Variants in RAI14 observed in about 807,000 individuals in gnomAD.
RAI14 encodes the protein retinoic acid induced 14, also known as ankycorbin.
RAI14 carries 45 observed loss-of-function variants against 115.4 expected under a neutral mutation model. The ratio of observed to expected loss-of-function variants is 0.39; its 90% CI spans 0.31 to 0.50. The LOEUF (loss-of-function observed/expected upper bound fraction) is 0.50. Ranked by LOEUF, RAI14 falls within the 20% of genes least tolerant of loss-of-function variation. The pLI, the probability that RAI14 is intolerant of heterozygous loss-of-function variation, is 0.85. For missense variants in RAI14, 939 were observed against 1,131.2 expected, an observed-to-expected ratio of 0.83 and a Z score of 2.44; for synonymous variants, 371 against 415.4, an observed-to-expected ratio of 0.89 and a Z score of 1.30.
intron 11 of RAI14, 84 bp downstream of exon 11, chr5:34,813,744 T>A: frequency 8.5e-7 from 1 of 1,174,792 alleles, no homozygotes; most frequent in Non-Finnish European, 1.2e-6. Context: ...CAAAAAGGAA[T>A]GTTTTAGAAC....
At chr5:34,702,850 G>A (rs1358135287) in intron 2 of RAI14, among the ~76,000 whole-genome samples, 1 of 152,148 alleles carries the variant, frequency 6.6e-6, no homozygotes, top group Non-Finnish European at 1.5e-5. Flanking sequence ...GGGATTACAG[G>A]CATGCGCCAC....
chr5:34,697,153 A>G (rs1259995171), intron 2 of RAI14, among the ~76,000 whole-genome samples: 1 of 137,516 alleles, frequency 7.3e-6, no homozygotes, highest in Non-Finnish European at 1.6e-5. Flanking sequence ...TAATAATAAA[A>G]AGGCCAAGTG....
At chr5:34,753,625 C>T (rs950513525) in intron 2 of RAI14, among the ~76,000 whole-genome samples, 2 of 151,844 alleles carry the variant, frequency 1.3e-5, no homozygotes, top group African/African-American at 4.8e-5. Context: ...ACTGAAAATA[C>T]AAAAATTGGG....
At chr5:34,722,065 C>T (rs1049353946) in intron 2 of RAI14, among the ~76,000 whole-genome samples, 1 of 151,894 alleles carries the variant, frequency 6.6e-6, no homozygotes, top group African/African-American at 2.4e-5. Flanking sequence ...TGGTGTCTCG[C>T]CCTGAAAGTG....
At chr5:34,792,847 G>T (rs78538527) in intron 3 of RAI14, among the ~76,000 whole-genome samples, 3,655 of 152,178 alleles carry the variant, frequency 0.024, 168 homozygotes, top group African/African-American at 0.083. Context: ...GCAGCTTTAG[G>T]TAAAATACAT....
Position 34,796,012 on chromosome 5 carries a change from G to A in RAI14, c.241G>A (p.Ala81Thr). 6.2e-7 allele frequency: 1 copy of A among 1,610,998 alleles called. No homozygotes were observed. ...VMITHGVDVTAQDTTGHSALH... is the reference protein window; with the variant it reads ...VMITHGVDVTTQDTTGHSALH... ...GATTACACATGGTGTGGATGTGACA[G>A]CCCAAGATACTACCGGTATGTGGTT... is the stretch of plus-strand genomic sequence containing the variant. Residue 81 changes from alanine to threonine, a missense_variant, in exon 4 of 18, where the codon GCC becomes ACC. Ala to Thr is a moderately conservative substitution (Grantham distance 58, BLOSUM62 0). Coordinates refer to ENST00000265109, the MANE Select transcript of RAI14 (RefSeq NM_015577.3).
chr5:34,752,731 G>GTATATATA (rs1561312100), intron 2 of RAI14, among the ~76,000 whole-genome samples: 3 of 99,038 alleles, frequency 3.0e-5, no homozygotes, highest in African/African-American at 1.3e-4. Context: ...GTGTGTGTGT[G>GTATATATA]TGTGTGTGTG....
rs1472512925 is a variant in RAI14, at chr5:34,832,070, C to A, written c.*1305C>A. 1 of 152,220 alleles carries A rather than the reference C, an allele frequency of 6.6e-6. No homozygotes were observed. 9.4% of individuals were successfully genotyped at this position (152,220 alleles called of 1,614,324 possible). ...ACTTTCAGGTTAAAAATGTTTCTAA[C>A]ACGCTTGCAACTTCCCTTATGGCAT... On this transcript the variant is annotated 3_prime_UTR_variant, in exon 18 of 18. Coordinates refer to ENST00000265109, the MANE Select transcript of RAI14 (RefSeq NM_015577.3).
chr5:34,811,596 ACC>A (rs1561069040), intron 8 of RAI14, among the ~76,000 whole-genome samples, 169 bp from the exon 9 acceptor site: 16 of 151,196 alleles, frequency 1.1e-4, no homozygotes, highest in South Asian at 2.1e-4. Flanking sequence ...AAAAAAAAAA[ACC>A]ACCTAATTTC....
chr5:34,669,090 C>T (rs567431057), intron 1 of RAI14, among the ~76,000 whole-genome samples: 20 of 152,228 alleles, frequency 1.3e-4, no homozygotes, highest in African/African-American at 3.1e-4. Flanking sequence ...CTCCTGAACT[C>T]GTGATCCTCC....
intron 3 of RAI14, among the ~76,000 whole-genome samples, chr5:34,773,076 T>C (rs1323377229): frequency 6.6e-6 from 1 of 152,174 alleles, no homozygotes; most frequent in African/African-American, 2.4e-5. Context: ...CCTTTATTTG[T>C]GGAACATATC....
chr5:34,722,512 A>G (rs1742896546), intron 2 of RAI14, among the ~76,000 whole-genome samples: 1 of 151,944 alleles, frequency 6.6e-6, no homozygotes, highest in South Asian at 2.1e-4. Flanking sequence ...GAAAATTTGT[A>G]AAGCATTGTT....
At chr5:34,779,160 A>C (rs1751283810) in intron 3 of RAI14, among the ~76,000 whole-genome samples, 2 of 152,222 alleles carry the variant, frequency 1.3e-5, no homozygotes, top group Admixed American at 6.5e-5. Flanking sequence ...AAGGCCTTTG[A>C]AAAAATCAAC....
intron 4 of RAI14, among the ~76,000 whole-genome samples, chr5:34,802,357 T>G (rs1174845362): frequency 6.6e-6 from 1 of 152,142 alleles, no homozygotes; most frequent in Non-Finnish European, 1.5e-5. Flanking sequence ...TGGTTAGTAC[T>G]TGGATGGGAG....
chr5:34,782,809 A>C (rs1051578150), intron 3 of RAI14, among the ~76,000 whole-genome samples: 4 of 152,208 alleles, frequency 2.6e-5, no homozygotes, highest in Non-Finnish European at 5.9e-5. Context: ...GCCATGACAC[A>C]CAGACTGAGA....
chr5:34,825,228 C>G (rs1035866136), intron 15 of RAI14, among the ~76,000 whole-genome samples: 1 of 151,774 alleles, frequency 6.6e-6, no homozygotes, highest in Non-Finnish European at 1.5e-5. Context: ...TGAGCCATAT[C>G]AACACCACTG....
At chr5:34,799,483 CACACACACAG>C in intron 4 of RAI14, among the ~76,000 whole-genome samples, 1 of 135,550 alleles carries the variant, frequency 7.4e-6, no homozygotes, top group African/African-American at 2.9e-5. Flanking sequence ...AAAAACAAAA[CACACACACAG>C]ACACACACAC....
At chr5:34,748,875 T>A (rs1181526768) in intron 2 of RAI14, among the ~76,000 whole-genome samples, 1 of 152,080 alleles carries the variant, frequency 6.6e-6, no homozygotes, top group Non-Finnish European at 1.5e-5. Context: ...CACACTTATT[T>A]GTTGAATAAG....
chr5:34,682,706 T>G (rs529120602), intron 1 of RAI14, among the ~76,000 whole-genome samples: 1 of 152,228 alleles, frequency 6.6e-6, no homozygotes, highest in African/African-American at 2.4e-5. Context: ...ATAAACTGAC[T>G]AATATTTCTG....
Sources: allele counts gnomAD v4.1 joint callset (sites outside exome capture counted in the v4.1 genomes callset), GRCh38; gene constraint gnomAD v4.1.1; transcripts MANE v1.5; gene names NCBI Gene and HGNC (gene_info 2026-07-23, HGNC 2026-07-21).